SUPT3H: variants seen among roughly 807,000 people sequenced by gnomAD.
SUPT3H encodes the protein transcription initiation protein SPT3 homolog.
In SUPT3H, 44 loss-of-function variants were observed where a neutral mutation model predicts 44.3. The ratio of observed to expected loss-of-function variants is 0.99; its 90% CI spans 0.78 to 1.28. SUPT3H has a LOEUF of 1.28. Ranked by LOEUF, SUPT3H falls within the 50% of genes most tolerant of loss-of-function variation. The pLI, the probability that SUPT3H is intolerant of heterozygous loss-of-function variation, is 0.00. For missense variants in SUPT3H, 380 were observed against 387.1 expected (o/e 0.98, Z 0.15); for synonymous variants, 124 against 125.6 (o/e 0.99, Z 0.09).
At chr6:45,303,313 A>C (rs1782443613) in intron 2 of SUPT3H, among the ~76,000 whole-genome samples, 1 of 152,216 alleles carries the variant, frequency 6.6e-6, no homozygotes, top group Admixed American at 6.5e-5. Flanking sequence ...AAAAGGATAT[A>C]AACAGCAGAG....
chr6:44,889,684 T>A (rs1454613984), intron 10 of SUPT3H, among the ~76,000 whole-genome samples: 1 of 152,138 alleles, frequency 6.6e-6, no homozygotes, highest in East Asian at 1.9e-4. Flanking sequence ...GGCATTACTA[T>A]TCAGGACATA....
intron 9 of SUPT3H, among the ~76,000 whole-genome samples, chr6:44,935,955 A>G (rs1378892164): frequency 6.6e-6 from 1 of 152,196 alleles, no homozygotes; most frequent in Non-Finnish European, 1.5e-5. Flanking sequence ...GTGAGTGTTT[A>G]AGAAGGATCT....
chr6:44,915,679 C>T (rs1401803291), intron 10 of SUPT3H, among the ~76,000 whole-genome samples: 1 of 152,180 alleles, frequency 6.6e-6, no homozygotes, highest in Non-Finnish European at 1.5e-5. Context: ...AATTTTTGGT[C>T]TCCACAACCT....
At chr6:44,922,020 T>C (rs1382598076) in intron 10 of SUPT3H, among the ~76,000 whole-genome samples, 1 of 152,240 alleles carries the variant, frequency 6.6e-6, no homozygotes, top group Non-Finnish European at 1.5e-5. Flanking sequence ...CTATTGGGCA[T>C]ATGCCCAGAG....
At chr6:45,069,137 G>A (rs917135202) in intron 3 of SUPT3H, among the ~76,000 whole-genome samples, 4 of 152,106 alleles carry the variant, frequency 2.6e-5, no homozygotes, top group African/African-American at 9.7e-5. Context: ...GAAGGTGAAG[G>A]ATAAAGAGGG....
intron 10 of SUPT3H, among the ~76,000 whole-genome samples, chr6:44,889,434 A>C (rs1762902473): frequency 6.6e-6 from 1 of 152,212 alleles, no homozygotes; most frequent in Admixed American, 6.5e-5. Context: ...CATCAATGGA[A>C]CAGAGCCCTC....
intron 10 of SUPT3H, among the ~76,000 whole-genome samples, chr6:44,927,629 T>C (rs1184385568): frequency 6.6e-6 from 1 of 152,170 alleles, no homozygotes; most frequent in Non-Finnish European, 1.5e-5. Context: ...GGGTGGTAAG[T>C]ATGTACACTC....
At chr6:45,001,638 GAAAAC>G (rs1412406129) in intron 6 of SUPT3H, among the ~76,000 whole-genome samples, 1 of 151,750 alleles carries the variant, frequency 6.6e-6, no homozygotes, top group African/African-American at 2.4e-5. Context: ...AAAGAAGAAA[GAAAAC>G]TAAAATTAAG....
chr6:45,030,547 A>C (rs1786759210), intron 3 of SUPT3H, among the ~76,000 whole-genome samples: 1 of 152,080 alleles, frequency 6.6e-6, no homozygotes, highest in South Asian at 2.1e-4. Context: ...GCCTGATTTC[A>C]TTTCACCCTA....
At chr6:45,342,115 A>G (rs1789901588) in intron 2 of SUPT3H, among the ~76,000 whole-genome samples, 1 of 152,212 alleles carries the variant, frequency 6.6e-6, no homozygotes, top group African/African-American at 2.4e-5. Flanking sequence ...AAGGAAAATG[A>G]GACTGCCACT....
At chr6:44,892,130 G>A (rs2153442327) in intron 10 of SUPT3H, among the ~76,000 whole-genome samples, 1 of 152,216 alleles carries the variant, frequency 6.6e-6, no homozygotes, top group African/African-American at 2.4e-5. Context: ...GAAATTCTGG[G>A]AGAACTGCTA....
intron 3 of SUPT3H, among the ~76,000 whole-genome samples, chr6:45,023,106 AG>A (rs1019513104): frequency 3.3e-5 from 5 of 152,130 alleles, no homozygotes; most frequent in Non-Finnish European, 7.4e-5. Flanking sequence ...AAGTGGGCAA[AG>A]GAGAAGAACA....
intron 10 of SUPT3H, among the ~76,000 whole-genome samples, chr6:44,891,942 G>T (rs897665863): frequency 6.6e-6 from 1 of 151,734 alleles, no homozygotes. Flanking sequence ...GTTCCTAAGT[G>T]TCCTAATAAA....
intron 3 of SUPT3H, among the ~76,000 whole-genome samples, chr6:45,096,561 T>C (rs1241802115): frequency 6.6e-6 from 1 of 152,052 alleles, no homozygotes; most frequent in Non-Finnish European, 1.5e-5. Context: ...AATTATGCAT[T>C]AGATGAGAGG....
intron 1 of SUPT3H, among the ~76,000 whole-genome samples, chr6:45,368,456 T>C (rs1795518123): frequency 6.6e-6 from 1 of 152,194 alleles, no homozygotes; most frequent in Non-Finnish European, 1.5e-5. Context: ...GTTTTAATTG[T>C]AGTGAAGTTA....
At chr6:45,340,652 AG>A (rs1488213690) in intron 2 of SUPT3H, among the ~76,000 whole-genome samples, 8 of 152,074 alleles carry the variant, frequency 5.3e-5, no homozygotes, top group Non-Finnish European at 8.8e-5. Flanking sequence ...AGAAAAAAAA[AG>A]TTTCAAGGAA....
chr6:45,226,988 C>T (rs1037918637), intron 2 of SUPT3H, among the ~76,000 whole-genome samples: 5 of 150,354 alleles, frequency 3.3e-5, no homozygotes, highest in African/African-American at 1.2e-4. Context: ...CAGAGTGAGA[C>T]CATCTAGAAA....
At position 45,308,459 on chromosome 6, in the gene SUPT3H, G is replaced by T. The variant is rs1783441862; in HGVS notation, c.101+56742C>A. ...CCAATATTCAACATTTTAAAGAAAAGAATTTTCAACCCAGAATTGCATATC... is the reference window on the plus strand; with the variant it reads ...CCAATATTCAACATTTTAAAGAAAATAATTTTCAACCCAGAATTGCATATC... On this transcript the variant is annotated intron_variant, in intron 2 of 10. Coordinates refer to ENST00000371459, the MANE Select transcript of SUPT3H (RefSeq NM_003599.4). Among the ~76,000 whole-genome samples, 4 of 152,118 alleles carry T rather than the reference G, an allele frequency of 2.6e-5. No individual in the cohort carries two copies. The South Asian group carries it at 8.3e-4, about 32-fold the overall frequency.
rs191579762 is a variant in SUPT3H, at chr6:45,190,979, T to A, written c.102-84973A>T. On this transcript the variant is annotated intron_variant, in intron 2 of 10. Transcript: ENST00000371459. ...CACTGCTGGTGGGAATGTAAAATGA[T>A]TTGCCACTTTGGAAAATAATTTGAT... Among the ~76,000 whole-genome samples, 13 of 152,212 alleles carry A rather than the reference T, an allele frequency of 8.5e-5. No individual in the cohort carries two copies. In the East Asian group the frequency reaches 2.5e-3, roughly 29 times the overall value.
Sources: allele counts gnomAD v4.1 joint callset (sites outside exome capture counted in the v4.1 genomes callset), GRCh38; gene constraint gnomAD v4.1.1; transcripts MANE v1.5; gene names NCBI Gene and HGNC (gene_info 2026-07-23, HGNC 2026-07-21).